The following GASK1B variants were observed in gnomAD, a reference collection of about 807,000 sequenced individuals.
GASK1B encodes golgi associated kinase 1B, also known as Golgi-associated kinase 1B.
Under a neutral mutation model 42.8 loss-of-function variants are expected in GASK1B, and 34 were observed. That is an observed-to-expected ratio of 0.79 (90% CI 0.60 to 1.06). The LOEUF (loss-of-function observed/expected upper bound fraction) is 1.06. Ranked by LOEUF, GASK1B falls within the 50% of genes least tolerant of loss-of-function variation. GASK1B has a pLI of 0.00. For missense variants in GASK1B, 686 were observed against 661.0 expected, an observed-to-expected ratio of 1.04 and a Z score of -0.42; for synonymous variants, 262 against 259.1, an observed-to-expected ratio of 1.01 and a Z score of -0.11.
chr4:158,148,626 C>G (rs964727579), intron 3 of GASK1B, among the ~76,000 whole-genome samples: 12 of 152,144 alleles, frequency 7.9e-5, no homozygotes, highest in South Asian at 6.2e-4. Flanking sequence ...ATCCAGAGCT[C>G]CAATCTTGGT....
intron 3 of GASK1B, among the ~76,000 whole-genome samples, chr4:158,150,880 A>T (rs4691465): frequency 0.88 from 134,410 of 152,182 alleles, 60,509 homozygotes; most frequent in East Asian, 0.98. Context: ...TCTCTGCACC[A>T]CTGACATCAG....
At chr4:158,149,922 G>GTTTTTTTTTTT (rs1560785203) in intron 3 of GASK1B, among the ~76,000 whole-genome samples, 20 of 15,510 alleles carry the variant, frequency 1.3e-3, no homozygotes, top group Admixed American at 3.8e-3. Context: ...TCTGCATGCT[G>GTTTTTTTTTTT]CTTTTTTTTT....
At chr4:158,171,679 G>C in intron 1 of GASK1B, 80 bp from the exon 2 acceptor site, 1 of 264,852 alleles carries the variant, frequency 3.8e-6, no homozygotes, top group East Asian at 7.0e-5. Flanking sequence ...AAGAAAAAAA[G>C]TAATCATTTC....
At chr4:158,142,960 A>T (rs555056017) in intron 3 of GASK1B, among the ~76,000 whole-genome samples, 12 of 152,336 alleles carry the variant, frequency 7.9e-5, no homozygotes, top group Admixed American at 7.8e-4. Flanking sequence ...AACCAATCAC[A>T]AAGTGTGGGC....
chr4:158,158,540 T>C (rs1210910026), intron 2 of GASK1B, among the ~76,000 whole-genome samples: 1 of 152,140 alleles, frequency 6.6e-6, no homozygotes, highest in Non-Finnish European at 1.5e-5. Flanking sequence ...TTTCACTAAA[T>C]ATTATACTAT....
chr4:158,145,837 C>T (rs1329578441), intron 3 of GASK1B, among the ~76,000 whole-genome samples: 1 of 152,144 alleles, frequency 6.6e-6, no homozygotes, highest in Non-Finnish European at 1.5e-5. Context: ...GAAATACATG[C>T]AGCCTTTTTT....
chr4:158,138,110 T>C (rs1730974840), intron 3 of GASK1B, among the ~76,000 whole-genome samples: 1 of 152,226 alleles, frequency 6.6e-6, no homozygotes, highest in Non-Finnish European at 1.5e-5. Flanking sequence ...TATTCTAAGG[T>C]TATTATACAT....
chr4:158,147,278 A>G (rs768213665), intron 3 of GASK1B, among the ~76,000 whole-genome samples: 6 of 152,126 alleles, frequency 3.9e-5, no homozygotes, highest in Non-Finnish European at 7.4e-5. Context: ...TTATTTATTC[A>G]ATACACTTTT....
intron 2 of GASK1B, among the ~76,000 whole-genome samples, chr4:158,163,107 A>T (rs867879821): frequency 6.6e-6 from 1 of 152,338 alleles, no homozygotes; most frequent in Middle Eastern, 3.4e-3. Flanking sequence ...CAAATAAGAG[A>T]TCTCGTTATT....
chr4:158,147,611 A>C (rs200120186), intron 3 of GASK1B, among the ~76,000 whole-genome samples: 32 of 9,700 alleles, frequency 3.3e-3, no homozygotes, highest in Non-Finnish European at 0.015. Flanking sequence ...ACTCTGTCCC[A>C]AAAAAAAAAA....
intron 3 of GASK1B, among the ~76,000 whole-genome samples, chr4:158,133,102 A>G (rs1395221834): frequency 1.3e-5 from 2 of 152,222 alleles, no homozygotes; most frequent in Non-Finnish European, 2.9e-5. Flanking sequence ...GAGAAATCAA[A>G]TGATATAAAA....
At chr4:158,147,097 G>A (rs187757780) in intron 3 of GASK1B, among the ~76,000 whole-genome samples, 1 of 152,240 alleles carries the variant, frequency 6.6e-6, no homozygotes, top group East Asian at 1.9e-4. Flanking sequence ...ACTTTTCTAA[G>A]ATTGCTCACA....
chr4:158,147,117 C>A (rs1206325367), intron 3 of GASK1B, among the ~76,000 whole-genome samples: 2 of 152,108 alleles, frequency 1.3e-5, no homozygotes, highest in Non-Finnish European at 2.9e-5. Flanking sequence ...AAATATCCAT[C>A]CAATACATTC....
chr4:158,161,395 T>C (rs1339986973), intron 2 of GASK1B, among the ~76,000 whole-genome samples: 1 of 152,338 alleles, frequency 6.6e-6, no homozygotes. Context: ...ATAGTTTGTT[T>C]TCTCTAGGCC....
At chr4:158,170,002 C>T (rs1732401977) in intron 2 of GASK1B, 1 of 529,288 alleles carries the variant, frequency 1.9e-6, no homozygotes. Context: ...TCTGGCTCTG[C>T]GCGGCTTAAG....
chr4:158,168,490 A>C (rs1287940725), intron 2 of GASK1B: 2 of 152,182 alleles, frequency 1.3e-5, no homozygotes, highest in African/African-American at 4.8e-5. Context: ...AATAATAATA[A>C]TAACCAATAT....
chr4:158,152,985 G>T (rs1164733987), intron 3 of GASK1B, among the ~76,000 whole-genome samples: 1 of 152,060 alleles, frequency 6.6e-6, no homozygotes, highest in Admixed American at 6.6e-5. Context: ...ACATAATACT[G>T]GAAATCCTAG....
At chr4:158,129,465 C>G (rs1336208675) in intron 4 of GASK1B, among the ~76,000 whole-genome samples, 6 of 152,150 alleles carry the variant, frequency 3.9e-5, no homozygotes, top group African/African-American at 1.4e-4. Flanking sequence ...CCGGCAAAAA[C>G]TTATAAAATC....
rs536827881 is a variant in GASK1B, at chr4:158,150,338, T to C, written c.1125+5273A>G. On this transcript the variant is annotated intron_variant, in intron 3 of 4. Transcript: ENST00000585682. ...AGATAATGTATCCATCTGAGGCAAA[T>C]ATTGGGCAGGTTAACTAGCAGCCCC... Among the ~76,000 whole-genome samples, 24 of 137,850 alleles carry C rather than the reference T, an allele frequency of 1.7e-4. 1 individual carries two copies. In the South Asian group the frequency reaches 6.1e-3, roughly 35 times the overall value. 90.4% of individuals were successfully genotyped at this position (137,850 alleles called of 152,430 possible).
Sources: gnomAD v4.1 joint callset for allele counts (sites outside exome capture counted in the v4.1 genomes callset) on GRCh38, gnomAD v4.1.1 for gene constraint, MANE v1.5 for transcripts, NCBI Gene and HGNC (gene_info 2026-07-23, HGNC 2026-07-21) for gene names.